CALCR: variants seen among roughly 807,000 people sequenced by gnomAD.
CALCR encodes calcitonin receptor.
CALCR carries 47 observed loss-of-function variants against 59.5 expected under a neutral mutation model. The observed-to-expected ratio is 0.79, with a 90% CI of 0.63 to 1.01. CALCR has a LOEUF of 1.01. CALCR is among the 50% of genes least tolerant of loss of function. CALCR has a pLI of 0.00. For synonymous variants in CALCR, 213 were observed against 211.3 expected, an observed-to-expected ratio of 1.01 and a Z score of -0.07; for missense variants, 566 against 597.1, an observed-to-expected ratio of 0.95 and a Z score of 0.54.
chr7:93,478,837 T>TGTATCTACC (rs1800728562), intron 4 of CALCR, among the ~76,000 whole-genome samples: 1 of 151,828 alleles, frequency 6.6e-6, no homozygotes. Flanking sequence ...ACAGCCATTC[T>TGTATCTACC]AGAGAAGCTG....
At chr7:93,511,657 A>C (rs2116047589) in intron 2 of CALCR, among the ~76,000 whole-genome samples, 1 of 152,348 alleles carries the variant, frequency 6.6e-6, no homozygotes, top group East Asian at 1.9e-4. Context: ...TGGACTTTTC[A>C]GACCAATACT....
Position 93,513,410 on chromosome 7 carries a change from G to A in CALCR, c.-26-26403C>T, listed in dbSNP as rs150104112. On this transcript the variant is annotated intron_variant, in intron 2 of 13. Transcript: ENST00000426151. ...TTAAATACTACAGTATAGAACCACTGCTTTCTCACAGAATAGCTGGTTTTA... is the reference window on the plus strand; with the variant it reads ...TTAAATACTACAGTATAGAACCACTACTTTCTCACAGAATAGCTGGTTTTA... 1.2e-3 allele frequency among the ~76,000 whole-genome samples: 183 copies of A among 152,174 alleles called. 1 individual carries two copies. The highest frequency in any genetic ancestry group is 4.0e-3 in the African/African-American group (167 of 41,542).
intron 2 of CALCR, among the ~76,000 whole-genome samples, chr7:93,506,539 A>G (rs1185893881): frequency 6.6e-6 from 1 of 152,164 alleles, no homozygotes; most frequent in Non-Finnish European, 1.5e-5. Flanking sequence ...AAATTACTAA[A>G]TGGCCCTGTA....
At chr7:93,448,669 A>C (rs1800051165) in intron 8 of CALCR, among the ~76,000 whole-genome samples, 1 of 152,066 alleles carries the variant, frequency 6.6e-6, no homozygotes, top group Admixed American at 6.6e-5. Context: ...CAGTTAAGTC[A>C]GAGGAGAAAA....
intron 2 of CALCR, among the ~76,000 whole-genome samples, chr7:93,535,285 T>C (rs148300288): frequency 2.4e-4 from 37 of 151,820 alleles, no homozygotes; most frequent in Admixed American, 9.2e-4. Context: ...CATAGGTAAT[T>C]ACACAACTGA....
At position 93,438,245 on chromosome 7, in the gene CALCR, G is replaced by T. The variant is rs1238905442; in HGVS notation, c.828C>A (p.Ile276=). ...AGTACACGGCCCTGGTAATAGCATG[G>T]ATAGTGGTTGGCACCAGCGGGAACC... ...GWGFPLVPTT[I]HAITRAVYFN... The change falls in exon 10 of 14, where the codon ATC becomes ATA. Residue 276 remains isoleucine, a synonymous_variant. Coordinates refer to ENST00000426151, the MANE Select transcript of CALCR (RefSeq NM_001742.4). 4 of 1,613,580 alleles carry T rather than the reference G, an allele frequency of 2.5e-6. No homozygotes were observed. Among genetic ancestry groups the T allele is most frequent in the Non-Finnish European group, 3.4e-6 (4 of 1,179,502 alleles).
At position 93,486,882 on chromosome 7, in the gene CALCR, A is replaced by G. The variant is rs1268726837; in HGVS notation, c.51+49T>C. 3.6e-6 allele frequency: 4 copies of G among 1,100,072 alleles called. No individual in the cohort carries two copies. The South Asian group carries it at 3.9e-5, about 11-fold the overall frequency. The allele number at this position is 1,100,072 out of a possible 1,614,324, so 68.1% of individuals were successfully genotyped here. Reference sequence around the variant, plus strand: ...AATCACACTCAAAACATTCCTCCTTATTCAGCATTCTTCATTAGCATGGCT... The same window carrying G: ...AATCACACTCAAAACATTCCTCCTTGTTCAGCATTCTTCATTAGCATGGCT... On this transcript the variant is annotated intron_variant, in intron 3 of 13. Coordinates refer to ENST00000426151, the MANE Select transcript of CALCR (RefSeq NM_001742.4).
chr7:93,530,342 C>T lies in CALCR; in HGVS notation c.-26-43335G>A, dbSNP rs753470956. ...ATAGATTATATGGGTACTGAGCAGG[C>T]GGACCAGTTTTTGTTTGTTTTGTTT... On this transcript the variant is annotated intron_variant, in intron 2 of 13. Coordinates refer to ENST00000426151, the MANE Select transcript of CALCR (RefSeq NM_001742.4). 3.9e-5 allele frequency among the ~76,000 whole-genome samples: 6 copies of T among 152,056 alleles called. No individual in the cohort carries two copies. In the East Asian group the frequency reaches 7.7e-4, roughly 20 times the overall value.
chr7:93,472,283 T>C (rs1467261317), intron 6 of CALCR, 92 bp downstream of exon 6: 3 of 726,472 alleles, frequency 4.1e-6, no homozygotes, highest in Non-Finnish European at 7.1e-6. Flanking sequence ...CCTGTTGGCT[T>C]CTTTGTGGCA....
At chr7:93,478,368 T>C (rs1800715750) in intron 4 of CALCR, among the ~76,000 whole-genome samples, 1 of 151,882 alleles carries the variant, frequency 6.6e-6, no homozygotes, top group African/African-American at 2.4e-5. Context: ...GAGTATATTT[T>C]ACCATTTTTT....
intron 6 of CALCR, among the ~76,000 whole-genome samples, chr7:93,471,625 A>T (rs1443316079): frequency 6.6e-6 from 1 of 151,816 alleles, no homozygotes; most frequent in Non-Finnish European, 1.5e-5. Flanking sequence ...TAGAGTCAGC[A>T]GGGTTGCTTA....
Position 93,435,793 on chromosome 7 carries a change from G to A in CALCR, c.1149+159C>T, listed in dbSNP as rs544158428. ...TGCACTCCAGCCTGGTGGACAGAGCGAGACTCTGTGTCAAAAAAAATAAAA... is the reference window on the plus strand; with the variant it reads ...TGCACTCCAGCCTGGTGGACAGAGCAAGACTCTGTGTCAAAAAAAATAAAA... On this transcript the variant is annotated intron_variant, in intron 12 of 13. Coordinates refer to ENST00000426151, the MANE Select transcript of CALCR (RefSeq NM_001742.4). 1.7e-3 allele frequency among the ~76,000 whole-genome samples: 235 copies of A among 142,184 alleles called. 1 individual carries two copies. Among genetic ancestry groups the A allele is most frequent in the Middle Eastern group, 0.015 (4 of 260 alleles). The allele number at this position is 142,184 out of a possible 152,430, so 93.3% of individuals were successfully genotyped here.
intron 9 of CALCR, among the ~76,000 whole-genome samples, chr7:93,440,942 A>G (rs1799888451): frequency 6.6e-6 from 1 of 152,132 alleles, no homozygotes; most frequent in Non-Finnish European, 1.5e-5. Context: ...ACAGAAGCTT[A>G]AGGTATCACA....
At chr7:93,450,844 C>T (rs886656803) in intron 8 of CALCR, among the ~76,000 whole-genome samples, 2 of 151,602 alleles carry the variant, frequency 1.3e-5, no homozygotes, top group African/African-American at 2.4e-5. Flanking sequence ...TAATATATAC[C>T]CTGTAACATC....
Position 93,426,545 on chromosome 7 carries a change from C to G in CALCR, c.1236G>C (p.Gln412His). ...GGCGCCTCCCCCAACGCTGGTTCCA[C>G]TGAATTTTGAATTGGGCCCATTGGC... ...VKRQWAQFKI[Q>H]WNQRWGRRPS... Residue 412 changes from glutamine to histidine, a missense_variant, in exon 14 of 14, where the codon CAG (glutamine) becomes CAC (histidine). Coordinates refer to ENST00000426151, the MANE Select transcript of CALCR (RefSeq NM_001742.4). The G allele has an allele frequency of 6.2e-7, 1 of 1,613,090 alleles. No homozygotes were observed. The highest frequency in any genetic ancestry group is 8.5e-7 in the Non-Finnish European group (1 of 1,179,220).
intron 3 of CALCR, among the ~76,000 whole-genome samples, chr7:93,486,614 C>T (rs371524023): frequency 6.6e-6 from 1 of 151,360 alleles, no homozygotes; most frequent in African/African-American, 2.4e-5. Context: ...AACATGAAAA[C>T]ATTTTACCTG....
At chr7:93,433,962 CTT>C (rs1799713965) in intron 13 of CALCR, among the ~76,000 whole-genome samples, 1 of 152,216 alleles carries the variant, frequency 6.6e-6, no homozygotes, top group Non-Finnish European at 1.5e-5. Context: ...TATGACTTCT[CTT>C]TGTGATGGCA....
chr7:93,452,560 A>G (rs1488099752), intron 8 of CALCR, among the ~76,000 whole-genome samples: 2 of 152,018 alleles, frequency 1.3e-5, no homozygotes, highest in Non-Finnish European at 2.9e-5. Flanking sequence ...AGGATGCAAC[A>G]TTTTCAATTA....
chr7:93,463,822 T>C (rs1199545689), intron 7 of CALCR, among the ~76,000 whole-genome samples: 2 of 151,900 alleles, frequency 1.3e-5, no homozygotes, highest in Admixed American at 6.6e-5. Context: ...TAGGTAGAAA[T>C]AGCACTAACT....
Sources: gnomAD v4.1 joint callset for allele counts (sites outside exome capture counted in the v4.1 genomes callset) on GRCh38, gnomAD v4.1.1 for gene constraint, MANE v1.5 for transcripts, NCBI Gene and HGNC (gene_info 2026-07-23, HGNC 2026-07-21) for gene names.